Variants in TENM2 observed in about 807,000 individuals in gnomAD.
TENM2 encodes teneurin-2.
In TENM2, 52 loss-of-function variants were observed where a neutral mutation model predicts 245.2. That is an observed-to-expected ratio of 0.21 (90% CI 0.17 to 0.27). The LOEUF (loss-of-function observed/expected upper bound fraction) is 0.27. TENM2 is among the 10% of genes least tolerant of loss of function. TENM2 has a pLI of 1.00. For missense variants in TENM2, 3,046 were observed against 3,666.8 expected, an observed-to-expected ratio of 0.83 and a Z score of 4.37; for synonymous variants, 1,363 against 1,438.9, an observed-to-expected ratio of 0.95 and a Z score of 1.19.
At chr5:167,960,003 T>G (rs1268196004) in intron 4 of TENM2, among the ~76,000 whole-genome samples, 2 of 152,340 alleles carry the variant, frequency 1.3e-5, no homozygotes, top group African/African-American at 4.8e-5. Flanking sequence ...ACACCCTATT[T>G]GCCTGGGTAT....
intron 2 of TENM2, among the ~76,000 whole-genome samples, chr5:167,454,759 C>G (rs914290004): frequency 1.3e-5 from 2 of 152,092 alleles, no homozygotes; most frequent in African/African-American, 4.8e-5. Flanking sequence ...TGTATTCTAC[C>G]ATATTTCCCA....
chr5:167,864,370 A>C (rs1446895955), intron 2 of TENM2, among the ~76,000 whole-genome samples: 2 of 152,250 alleles, frequency 1.3e-5, no homozygotes, highest in Non-Finnish European at 2.9e-5. Context: ...TGTAAGGGGA[A>C]TAGAACACCT....
rs192693080 is a variant in TENM2, at chr5:167,312,127, G to A, written c.226+27064G>A. 1.9e-3 allele frequency among the ~76,000 whole-genome samples: 293 copies of A among 152,172 alleles called. 1 individual carries two copies. Among genetic ancestry groups the A allele is most frequent in the African/African-American group, 6.4e-3 (266 of 41,506 alleles). On this transcript the variant is annotated intron_variant, in intron 1 of 28. Coordinates refer to ENST00000518659, the Ensembl canonical transcript of TENM2. Reference sequence around the variant, plus strand: ...TATATTGTTGTATACATACACATATGTGCATAAATATACGTATGTTAGATA... The same window carrying A: ...TATATTGTTGTATACATACACATATATGCATAAATATACGTATGTTAGATA...
At chr5:168,213,442 G>A (rs1762937605) in intron 20 of TENM2, among the ~76,000 whole-genome samples, 1 of 152,016 alleles carries the variant, frequency 6.6e-6, no homozygotes, top group South Asian at 2.1e-4. Flanking sequence ...ATGTCAACAG[G>A]ACAAATGCAT....
intron 7 of TENM2, chr5:168,087,588 G>C (rs1792567483): frequency 6.7e-6 from 1 of 150,014 alleles, no homozygotes; most frequent in Non-Finnish European, 1.5e-5. Context: ...CAGCCTGGGT[G>C]ACAGAGCGAG....
intron 2 of TENM2, among the ~76,000 whole-genome samples, chr5:167,620,052 G>C (rs1362862748): frequency 6.6e-6 from 1 of 152,184 alleles, no homozygotes; most frequent in Non-Finnish European, 1.5e-5. Context: ...TATTTTAAGA[G>C]TAGGGTTGTG....
chr5:167,401,993 T>G (rs1762392522), intron 2 of TENM2, among the ~76,000 whole-genome samples: 1 of 152,302 alleles, frequency 6.6e-6, no homozygotes, highest in South Asian at 2.1e-4. Flanking sequence ...TCCTTTACTT[T>G]GATTATTTAA....
intron 6 of TENM2, among the ~76,000 whole-genome samples, chr5:168,050,100 G>T (rs565609334): frequency 6.6e-5 from 10 of 152,298 alleles, no homozygotes; most frequent in African/African-American, 2.4e-4. Context: ...ACTGTGCCCA[G>T]CAGAGACAGA....
the TENM2 span, among the ~76,000 whole-genome samples, chr5:167,155,219 C>G: frequency 1.3e-5 from 2 of 152,130 alleles, no homozygotes; most frequent in Admixed American, 6.6e-5. Flanking sequence ...GGCAACCTGC[C>G]GTATTGTGGC....
At chr5:167,308,668 G>A (rs1755827725) in intron 1 of TENM2, among the ~76,000 whole-genome samples, 1 of 152,154 alleles carries the variant, frequency 6.6e-6, no homozygotes. Flanking sequence ...TGTGAATTCT[G>A]CTTATCACTT....
At chr5:167,392,967 C>T (rs1476507438) in intron 2 of TENM2, among the ~76,000 whole-genome samples, 1 of 151,714 alleles carries the variant, frequency 6.6e-6, no homozygotes, top group African/African-American at 2.4e-5. Flanking sequence ...ACTAAAAATA[C>T]AAAAATTAGC....
chr5:167,513,062 T>G (rs1205609913), intron 2 of TENM2, among the ~76,000 whole-genome samples: 2 of 152,208 alleles, frequency 1.3e-5, no homozygotes, highest in Non-Finnish European at 2.9e-5. Flanking sequence ...ACACAAAGGT[T>G]TCCCCAAAGT....
chr5:167,042,586 G>T, the TENM2 span, among the ~76,000 whole-genome samples: 22 of 152,192 alleles, frequency 1.4e-4, no homozygotes, highest in African/African-American at 5.3e-4. Flanking sequence ...TCAAAAATGT[G>T]TGGGAAAAGA....
intron 27 of TENM2, among the ~76,000 whole-genome samples, chr5:168,260,081 C>T (rs1272854587): frequency 1.3e-5 from 2 of 152,180 alleles, no homozygotes; most frequent in Non-Finnish European, 1.5e-5. Flanking sequence ...TGGTTATCAA[C>T]TGACCAAGTT....
At chr5:167,553,436 A>G (rs1773081893) in intron 2 of TENM2, among the ~76,000 whole-genome samples, 1 of 152,246 alleles carries the variant, frequency 6.6e-6, no homozygotes, top group African/African-American at 2.4e-5. Flanking sequence ...GTCAAAGAGC[A>G]GGACAGCATA....
At chr5:168,190,288 C>A in intron 13 of TENM2, 49 bp from the exon 16 acceptor site, 1 of 1,490,126 alleles carries the variant, frequency 6.7e-7, no homozygotes, top group Non-Finnish European at 9.3e-7. Context: ...CTCCAAACAG[C>A]TTTATGCCAT....
chr5:167,901,014 T>G (rs890251349), intron 3 of TENM2, among the ~76,000 whole-genome samples: 1 of 146,870 alleles, frequency 6.8e-6, no homozygotes, highest in African/African-American at 2.7e-5. Context: ...TCCTTGAATT[T>G]TTTTTCATTA....
chr5:167,359,165 C>T lies in TENM2; in HGVS notation c.227-16033C>T, dbSNP rs143209274. Reference sequence around the variant, plus strand: ...GTAAATTAGATGATGTCATCTTTCCCTCCCAAAACAATGCAATGGCTATTT... The same window carrying T: ...GTAAATTAGATGATGTCATCTTTCCTTCCCAAAACAATGCAATGGCTATTT... On this transcript the variant is annotated intron_variant, in intron 1 of 28. Transcript: ENST00000518659. 1.0e-3 allele frequency among the ~76,000 whole-genome samples: 156 copies of T among 152,230 alleles called. 4 individuals are homozygous for T. In the East Asian group the frequency reaches 0.021, roughly 21 times the overall value.
chr5:167,348,064 C>A (rs1171038704), intron 1 of TENM2, among the ~76,000 whole-genome samples: 2 of 152,172 alleles, frequency 1.3e-5, no homozygotes, highest in Non-Finnish European at 2.9e-5. Context: ...GCCTTTTAAA[C>A]TGGACTAGAC....
Sources: allele counts gnomAD v4.1 joint callset (sites outside exome capture counted in the v4.1 genomes callset), GRCh38; gene constraint gnomAD v4.1.1; transcripts MANE v1.5; gene names NCBI Gene and HGNC (gene_info 2026-07-23, HGNC 2026-07-21).